The following MDN1 variants were observed in gnomAD, a reference collection of about 807,000 sequenced individuals.
MDN1 encodes the protein midasin.
In MDN1, 266 loss-of-function variants were observed where a neutral mutation model predicts 669.2. That is an observed-to-expected ratio of 0.40 (90% CI 0.36 to 0.44). MDN1 has a LOEUF of 0.44. Among genes scored for constraint, MDN1 ranks in the 20% least tolerant of loss-of-function variants. The pLI, the probability that MDN1 is intolerant of heterozygous loss-of-function variation, is 1.00. For synonymous variants in MDN1, 2,385 were observed against 2,457.1 expected, an observed-to-expected ratio of 0.97 and a Z score of 0.87; for missense variants, 5,940 against 6,754.0, an observed-to-expected ratio of 0.88 and a Z score of 4.22.
chr6:89,658,377 C>T lies in MDN1; in HGVS notation c.15022-7G>A, dbSNP rs778601412. 22 of 1,613,976 alleles carry T rather than the reference C, an allele frequency of 1.4e-5. No homozygotes were observed. The highest frequency in any genetic ancestry group is 1.7e-5 in the Admixed American group (1 of 60,020). ...CCTCCCGTTCTTCTTCCTCCTTCGGCAGAGAAATCAAACACAGCATTAAAT... is the reference window on the plus strand; with the variant it reads ...CCTCCCGTTCTTCTTCCTCCTTCGGTAGAGAAATCAAACACAGCATTAAAT... On this transcript the variant is annotated splice_polypyrimidine_tract_variant and splice_region_variant and intron_variant, in intron 89 of 101. Transcript: ENST00000369393.
chr6:89,701,621 C>T lies in MDN1; in HGVS notation c.8364G>A (p.Gln2788=). 1 of 1,614,160 alleles carries T rather than the reference C, an allele frequency of 6.2e-7. No individual in the cohort carries two copies. Among genetic ancestry groups the T allele is most frequent in the Non-Finnish European group, 8.5e-7 (1 of 1,179,986 alleles). ...SEHIQNCLGS[Q]TGGFAGIKKL... ...TCTTTATACCAGCGAAGCCACCAGT[C>T]TGGCTCCCCAGACAATTCTGAATAT... is the stretch of plus-strand genomic sequence containing the variant. Residue 2788 remains glutamine (Q), a synonymous_variant, in exon 55 of 102, where the codon CAG becomes CAA. Transcript: ENST00000369393.
intron 23 of MDN1, 41 bp downstream of exon 23, chr6:89,751,390 C>T: frequency 6.2e-7 from 1 of 1,612,166 alleles, no homozygotes; most frequent in Non-Finnish European, 8.5e-7. Context: ...AATGCCTATG[C>T]CTGTATCAAG....
intron 13 of MDN1, 80 bp downstream of exon 13, chr6:89,774,541 A>G (rs986983143): frequency 9.6e-7 from 1 of 1,043,092 alleles, no homozygotes; most frequent in Non-Finnish European, 1.5e-6. Flanking sequence ...GTTTTGCACA[A>G]AGACAAGAGG....
At position 89,695,616 on chromosome 6, in the gene MDN1, C is replaced by T. The variant is rs369048893; in HGVS notation, c.9760G>A (p.Val3254Ile). The T allele has an allele frequency of 3.2e-5, 51 of 1,594,748 alleles. No homozygotes were observed. The East Asian group carries it at 7.7e-4, about 24-fold the overall frequency. ...CTTGCCTCCCATACCTCTTCCTTGA[C>T]GTAATTGAGCTTGTACTCCCTCTTC... is the stretch of plus-strand genomic sequence containing the variant. ...AVKREYKLNY[V>I]KEELHQLQCE... Residue 3254 changes from valine (V) to isoleucine (I), a missense_variant, in exon 61 of 102, where the codon GTC (valine) becomes ATC (isoleucine). Around this residue, in one of 5 missense-constraint regions of MDN1, gnomAD observed 2,292 missense variants for 2,638.3 expected, o/e 0.87. Transcript: ENST00000369393. This position sits in a 1 kb window ranked among gnomAD's most constrained non-coding sequence, Gnocchi z 4.1.
intron 33 of MDN1, among the ~76,000 whole-genome samples, chr6:89,733,284 G>A (rs1299570082): frequency 1.3e-5 from 2 of 151,256 alleles, no homozygotes; most frequent in Non-Finnish European, 2.9e-5. Context: ...AAATTAGGGG[G>A]TTCACAAATT....
At chr6:89,693,191 G>A in intron 62 of MDN1, 43 bp from the exon 63 acceptor site, 1 of 1,402,876 alleles carries the variant, frequency 7.1e-7, no homozygotes, top group Non-Finnish European at 9.7e-7. Flanking sequence ...GTCAGAAGAA[G>A]AGCAGCAAAT....
At chr6:89,730,657 G>A in intron 35 of MDN1, 69 bp downstream of exon 35, 2 of 1,270,402 alleles carry the variant, frequency 1.6e-6, no homozygotes, top group Non-Finnish European at 2.2e-6. Context: ...TTAAAACTAA[G>A]TCACAATAAA....
At chr6:89,704,341 C>T (rs1813382697) in intron 53 of MDN1, among the ~76,000 whole-genome samples, 1 of 152,146 alleles carries the variant, frequency 6.6e-6, no homozygotes, top group South Asian at 2.1e-4. Context: ...GAGATCACGC[C>T]ATTGCATTCC....
chr6:89,813,540 ACT>A (rs1329961113), intron 1 of MDN1, among the ~76,000 whole-genome samples: 3 of 140,276 alleles, frequency 2.1e-5, no homozygotes, highest in Non-Finnish European at 4.6e-5. Context: ...GACAGAGCAG[ACT>A]CTGTCTCAAA....
chr6:89,719,286 T>C (rs1814652769), intron 40 of MDN1, 61 bp from the exon 41 acceptor site: 19 of 1,393,016 alleles, frequency 1.4e-5, no homozygotes, highest in Non-Finnish European at 1.9e-5. Flanking sequence ...TTAGGCAAAC[T>C]TTCTAGAAAA....
chr6:89,785,913 C>T (rs1008798678), intron 8 of MDN1, among the ~76,000 whole-genome samples: 4 of 152,088 alleles, frequency 2.6e-5, no homozygotes, highest in Non-Finnish European at 5.9e-5. Flanking sequence ...GCAGGAAGAT[C>T]GCTTGAGCCC....
chr6:89,781,337 C>T, intron 10 of MDN1, 62 bp downstream of exon 10: 1 of 1,528,048 alleles, frequency 6.5e-7, no homozygotes, highest in Non-Finnish European at 9.0e-7. Context: ...GGTAACAGAG[C>T]AGGAATCTGT....
chr6:89,670,170 A>ATAT (rs1444537561), intron 83 of MDN1, among the ~76,000 whole-genome samples: 17 of 23,408 alleles, frequency 7.3e-4, no homozygotes, highest in African/African-American at 5.1e-4. Flanking sequence ...ATATATATAT[A>ATAT]TTTTTTTTTT....
chr6:89,796,616 C>T (rs796856736), intron 2 of MDN1, among the ~76,000 whole-genome samples: 22 of 152,002 alleles, frequency 1.4e-4, no homozygotes, highest in African/African-American at 4.8e-4. Context: ...ACTACTCTGA[C>T]GGGAGATGCT....
intron 46 of MDN1, among the ~76,000 whole-genome samples, chr6:89,714,132 C>T (rs1262248011): frequency 6.6e-6 from 1 of 152,000 alleles, no homozygotes. Context: ...CATTTATTAT[C>T]TTGTTCCTTT....
At position 89,754,093 on chromosome 6, in the gene MDN1, G is replaced by A. The variant is rs1817102412; in HGVS notation, c.2954C>T (p.Ser985Leu). The part of the protein sequence containing the change: ...ASNPCGNIQR[S>L]LYEGFCLGFL... ...AGACTTCAGAAAGACCTCATAGAGT[G>A]AGCGCTGAATGTTGCCACATGGATT... Residue 985 changes from serine (S) to leucine (L), a missense_variant, in exon 21 of 102, where the codon TCA becomes TTA. By Grantham distance (145) the Ser-to-Leu change is moderately radical. Coordinates refer to ENST00000369393, the MANE Select transcript of MDN1 (RefSeq NM_014611.3). The A allele has an allele frequency of 6.2e-7, 1 of 1,613,874 alleles. No homozygotes were observed. The highest frequency in any genetic ancestry group is 8.5e-7 in the Non-Finnish European group (1 of 1,179,930).
intron 76 of MDN1, among the ~76,000 whole-genome samples, chr6:89,677,295 T>A (rs1385010548): frequency 1.3e-5 from 2 of 152,034 alleles, no homozygotes; most frequent in Non-Finnish European, 1.5e-5. Context: ...GGTTTTGCCA[T>A]GTTGGTCAGG....
intron 15 of MDN1, among the ~76,000 whole-genome samples, chr6:89,766,835 T>C (rs1817823779): frequency 6.6e-6 from 1 of 152,248 alleles, no homozygotes; most frequent in African/African-American, 2.4e-5. Context: ...GGCAGTTTCT[T>C]TTAAAGACTG....
intron 31 of MDN1, among the ~76,000 whole-genome samples, chr6:89,742,291 T>C (rs992814177): frequency 2.0e-5 from 3 of 151,908 alleles, no homozygotes; most frequent in Non-Finnish European, 2.9e-5. Flanking sequence ...CACACATGTG[T>C]AGCCCAGCTA....
Sources: allele counts gnomAD v4.1 joint callset (sites outside exome capture counted in the v4.1 genomes callset), GRCh38; gene constraint gnomAD v4.1.1; regional missense constraint gnomAD v4.1.1; non-coding constraint Gnocchi (gnomAD v3.1); transcripts MANE v1.5; gene names NCBI Gene and HGNC (gene_info 2026-07-23, HGNC 2026-07-21).